Variants in SLC2A9 observed in about 807,000 individuals in gnomAD.
SLC2A9 encodes solute carrier family 2 member 9, also known as solute carrier family 2, facilitated glucose transporter member 9.
Under a neutral mutation model 50.6 loss-of-function variants are expected in SLC2A9, and 39 were observed. The observed-to-expected ratio is 0.77, with a 90% CI of 0.60 to 1.01. The LOEUF is 1.01. Among genes scored for constraint, SLC2A9 ranks in the 50% least tolerant of loss-of-function variants. SLC2A9 has a pLI of 0.00. For missense variants in SLC2A9, 686 were observed against 677.6 expected, an observed-to-expected ratio of 1.01 and a Z score of -0.14; for synonymous variants, 324 against 276.9, an observed-to-expected ratio of 1.17 and a Z score of -1.69.
At chr4:10,033,013 A>C (rs1763985586) in intron 1 of SLC2A9, among the ~76,000 whole-genome samples, 1 of 152,118 alleles carries the variant, frequency 6.6e-6, no homozygotes, top group African/African-American at 2.4e-5. Flanking sequence ...CTGTTCACTA[A>C]ACCTTAGTCC....
chr4:9,804,779 T>C (rs2108954713), intron 3 of SLC2A9, among the ~76,000 whole-genome samples: 1 of 152,340 alleles, frequency 6.6e-6, no homozygotes, highest in South Asian at 2.1e-4. Context: ...GGTAGTTTGA[T>C]GCGGTTTCTA....
intron 2 of SLC2A9, among the ~76,000 whole-genome samples, chr4:10,017,330 A>T (rs1762788647): frequency 6.6e-6 from 1 of 152,188 alleles, no homozygotes; most frequent in Non-Finnish European, 1.5e-5. Context: ...GTTTTGATGA[A>T]CTTTCAAGAT....
chr4:9,996,917 A>G lies in SLC2A9; in HGVS notation c.274T>C (p.Ser92Pro). The G allele has an allele frequency of 6.2e-7, 1 of 1,614,020 alleles. No individual in the cohort carries two copies. Among genetic ancestry groups the G allele is most frequent in the South Asian group, 1.1e-5 (1 of 91,074 alleles). ...GGACGTCCATGCCTTCTTTCCCATG[A>G]CTCATTGTAAAAGGCCTTGATGTAC... ...TPYIKAFYNE[S>P]WERRHGRPID... Residue 92 changes from serine (S) to proline (P), a missense_variant, in exon 3 of 12, where the codon TCA becomes CCA. Coordinates refer to ENST00000264784, the MANE Select transcript of SLC2A9 (RefSeq NM_020041.3).
intron 7 of SLC2A9, among the ~76,000 whole-genome samples, chr4:9,912,255 C>T (rs931726989): frequency 1.3e-5 from 2 of 151,694 alleles, no homozygotes; most frequent in African/African-American, 2.4e-5. Context: ...CAAACCTGCA[C>T]GTTGTGCACA....
At chr4:9,797,025 C>T (rs965574381), downstream of SLC2A9, among the ~76,000 whole-genome samples, 1 of 152,114 alleles carries the variant, frequency 6.6e-6, no homozygotes, top group African/African-American at 2.4e-5. Flanking sequence ...CTATGATCTA[C>T]CACAATACTA....
At chr4:9,911,078 T>C (rs1471609004) in intron 7 of SLC2A9, among the ~76,000 whole-genome samples, 1 of 152,018 alleles carries the variant, frequency 6.6e-6, no homozygotes, top group Non-Finnish European at 1.5e-5. Flanking sequence ...CAGCAAACCA[T>C]CATGGCACGT....
rs559926779 is a variant in SLC2A9, at chr4:9,985,730, C to G, written c.474G>C (p.Ser158=). ...AISAALLMAC[S]LQAGAFEMLI... is the part of the protein sequence containing the mutation. ...GCATTTCAAAGGCTCCTGCCTGGAG[C>G]GAGCAGGCCATCAGCAATGCAGCAG... is the stretch of plus-strand genomic sequence containing the variant. Residue 158 remains serine (S), a synonymous_variant, in exon 4 of 12, where the codon TCG becomes TCC. Coordinates refer to ENST00000264784, the MANE Select transcript of SLC2A9 (RefSeq NM_020041.3). 1.9e-6 allele frequency: 3 copies of G among 1,613,920 alleles called. No individual in the cohort carries two copies. In the East Asian group the frequency reaches 6.7e-5, roughly 36 times the overall value.
At chr4:9,955,614 C>T (rs923803157) in intron 5 of SLC2A9, among the ~76,000 whole-genome samples, 3 of 152,140 alleles carry the variant, frequency 2.0e-5, no homozygotes, top group African/African-American at 4.8e-5. Context: ...CCTGCTGTAA[C>T]GCTTTTTAAT....
intron 10 of SLC2A9, among the ~76,000 whole-genome samples, chr4:9,867,306 C>G (rs11731339): frequency 6.6e-6 from 1 of 152,154 alleles, no homozygotes. Flanking sequence ...GGCCTGGTTC[C>G]GCTCCCCAAC....
intron 3 of SLC2A9, among the ~76,000 whole-genome samples, chr4:9,994,719 C>A (rs976307969): frequency 2.0e-5 from 3 of 152,030 alleles, no homozygotes; most frequent in Non-Finnish European, 2.9e-5. Context: ...ACTTGCTGAG[C>A]CACGGCATTC....
intron 2 of SLC2A9, 81 bp from the exon 3 acceptor site, chr4:9,997,022 G>A: frequency 6.6e-7 from 1 of 1,520,224 alleles, no homozygotes; most frequent in Non-Finnish European, 9.1e-7. Context: ...AAACAAAACA[G>A]CTTGTACAGA....
intron 6 of SLC2A9, 137 bp downstream of exon 6, chr4:9,941,775 AT>A: frequency 8.0e-7 from 1 of 1,247,888 alleles, no homozygotes; most frequent in Non-Finnish European, 1.1e-6. Flanking sequence ...AAGGTACCCT[AT>A]GATACCCAGC....
intron 8 of SLC2A9, among the ~76,000 whole-genome samples, chr4:9,899,588 TA>T: frequency 6.6e-6 from 1 of 152,264 alleles, no homozygotes; most frequent in Non-Finnish European, 1.5e-5. Flanking sequence ...CTCTCTAAGT[TA>T]AAAACGGAAT....
intron 2 of SLC2A9, among the ~76,000 whole-genome samples, chr4:10,008,398 A>G (rs1330581281): frequency 2.0e-5 from 3 of 152,182 alleles, no homozygotes; most frequent in Non-Finnish European, 4.4e-5. Flanking sequence ...CTCTGATCAA[A>G]TCAAACCAAA....
chr4:10,018,935 G>C, intron 2 of SLC2A9, 40 bp downstream of exon 2: 1 of 1,542,230 alleles, frequency 6.5e-7, no homozygotes, highest in Non-Finnish European at 8.8e-7. Flanking sequence ...GGTTTCCGCA[G>C]GGCCGCAGCG....
chr4:9,864,909 G>A (rs1349324228), intron 10 of SLC2A9, among the ~76,000 whole-genome samples: 1 of 152,242 alleles, frequency 6.6e-6, no homozygotes, highest in Non-Finnish European at 1.5e-5. Context: ...CCTTGGGCAT[G>A]GTGCCTTGGC....
At chr4:9,897,222 C>T (rs1738717650) in intron 8 of SLC2A9, among the ~76,000 whole-genome samples, 1 of 152,118 alleles carries the variant, frequency 6.6e-6, no homozygotes, top group African/African-American at 2.4e-5. Flanking sequence ...TCACATTTAT[C>T]AAAAGAATAT....
At chr4:9,808,429 G>T (rs1159230588) in intron 3 of SLC2A9, among the ~76,000 whole-genome samples, 1 of 152,152 alleles carries the variant, frequency 6.6e-6, no homozygotes, top group African/African-American at 2.4e-5. Flanking sequence ...AGCCTTTAGG[G>T]GCCATTGGGT....
At chr4:9,854,895 CT>C (rs1730497529) in intron 10 of SLC2A9, among the ~76,000 whole-genome samples, 1 of 152,078 alleles carries the variant, frequency 6.6e-6, no homozygotes, top group Non-Finnish European at 1.5e-5. Context: ...AGAAACGGCT[CT>C]GATAAAACTA....
Sources: gnomAD v4.1 joint callset for allele counts (sites outside exome capture counted in the v4.1 genomes callset) on GRCh38, gnomAD v4.1.1 for gene constraint, MANE v1.5 for transcripts, NCBI Gene and HGNC (gene_info 2026-07-23, HGNC 2026-07-21) for gene names.